AFDN: variants seen among roughly 807,000 people sequenced by gnomAD.
AFDN encodes the protein afadin, adherens junction formation factor.
A neutral mutation model predicts 216.6 loss-of-function variants in AFDN; 68 were observed. The observed-to-expected ratio is 0.31, with a 90% confidence interval of 0.26 to 0.38. The LOEUF (loss-of-function observed/expected upper bound fraction) is 0.38. Among genes scored for constraint, AFDN ranks in the 10% least tolerant of loss-of-function variants. The pLI is 1.00. For synonymous variants in AFDN, 868 were observed against 853.7 expected (o/e 1.02, Z -0.29); for missense variants, 2,136 against 2,342.0 (o/e 0.91, Z 1.82).
chr6:167,830,933 CTTTTTTTTTTTT>C (rs71681602), intron 1 of AFDN, among the ~76,000 whole-genome samples: 4 of 79,320 alleles, frequency 5.0e-5, no homozygotes, highest in East Asian at 9.0e-4. Context: ...ATATTTGAAA[CTTTTTTTTTTTT>C]TTTTTTTTTT....
intron 1 of AFDN, among the ~76,000 whole-genome samples, chr6:167,860,979 T>G (rs533398004): frequency 6.6e-6 from 1 of 152,214 alleles, no homozygotes; most frequent in Non-Finnish European, 1.5e-5. Flanking sequence ...AGCATGGTGA[T>G]GTAGGCAGGT....
intron 9 of AFDN, among the ~76,000 whole-genome samples, chr6:167,896,296 A>G (rs936510206): frequency 1.3e-5 from 2 of 151,962 alleles, no homozygotes; most frequent in Non-Finnish European, 2.9e-5. Flanking sequence ...AACCACTTTT[A>G]ACAGTAATTC....
chr6:167,915,145 G>A, intron 18 of AFDN, 23 bp from the exon 19 acceptor site: 1 of 1,611,598 alleles, frequency 6.2e-7, no homozygotes. Context: ...TGCTCCTCTT[G>A]TCCTCTCACC....
intron 6 of AFDN, among the ~76,000 whole-genome samples, chr6:167,882,989 C>A (rs1245077155): frequency 6.6e-6 from 1 of 151,778 alleles, no homozygotes; most frequent in East Asian, 1.9e-4. Flanking sequence ...AGACTGTCAG[C>A]CAGGTGTTAC....
intron 1 of AFDN, among the ~76,000 whole-genome samples, chr6:167,851,264 A>T (rs1252833423): frequency 6.6e-6 from 1 of 152,074 alleles, no homozygotes; most frequent in Non-Finnish European, 1.5e-5. Flanking sequence ...ACAAACACAC[A>T]CCTTTCTTTT....
At chr6:167,928,909 A>G (rs1792916953) in intron 23 of AFDN, among the ~76,000 whole-genome samples, 1 of 152,352 alleles carries the variant, frequency 6.6e-6, no homozygotes, top group Non-Finnish European at 1.5e-5. Flanking sequence ...TGTATCTTCA[A>G]TGGAAAGTAA....
intron 11 of AFDN, among the ~76,000 whole-genome samples, chr6:167,900,557 T>C (rs1788814615): frequency 6.6e-6 from 1 of 152,208 alleles, no homozygotes; most frequent in Non-Finnish European, 1.5e-5. Context: ...ATATCCAGCC[T>C]GCAGTAAAAA....
At chr6:167,839,167 G>A (rs1780774617) in intron 1 of AFDN, among the ~76,000 whole-genome samples, 1 of 152,104 alleles carries the variant, frequency 6.6e-6, no homozygotes, top group Admixed American at 6.6e-5. Context: ...TAGTGTAATG[G>A]CATCTTAGAC....
At chr6:167,857,283 C>T (rs1783014089) in intron 1 of AFDN, among the ~76,000 whole-genome samples, 1 of 151,918 alleles carries the variant, frequency 6.6e-6, no homozygotes, top group Non-Finnish European at 1.5e-5. Context: ...GTTTGTAGTT[C>T]AGGGAAGTGC....
chr6:167,955,376 T>C (rs911016340), intron 30 of AFDN, among the ~76,000 whole-genome samples: 4 of 152,204 alleles, frequency 2.6e-5, no homozygotes, highest in African/African-American at 9.7e-5. Context: ...CCTTGGTGAT[T>C]GGAAGGCATA....
intron 12 of AFDN, among the ~76,000 whole-genome samples, chr6:167,905,916 T>G (rs2128426478): frequency 6.6e-6 from 1 of 152,264 alleles, no homozygotes; most frequent in East Asian, 1.9e-4. Flanking sequence ...CCATCCTGGC[T>G]AACATGGTGA....
intron 30 of AFDN, among the ~76,000 whole-genome samples, chr6:167,955,101 T>A (rs747698519): frequency 6.6e-6 from 1 of 152,196 alleles, no homozygotes; most frequent in African/African-American, 2.4e-5. Flanking sequence ...TGGCTCATCG[T>A]TTAGGGCCCA....
chr6:167,947,404 C>T (rs1168599562), intron 27 of AFDN, among the ~76,000 whole-genome samples: 1 of 152,102 alleles, frequency 6.6e-6, no homozygotes, highest in Non-Finnish European at 1.5e-5. Context: ...TGGTCTCGAT[C>T]TCCTGACCTC....
In AFDN at chr6:167,919,493, G is replaced by T. The variant is rs569504076; in HGVS notation, c.2908+560G>T. 3.9e-5 allele frequency among the ~76,000 whole-genome samples: 6 copies of T among 152,388 alleles called. No individual in the cohort carries two copies. In the East Asian group the frequency reaches 1.2e-3, roughly 29 times the overall value. On this transcript the variant is annotated intron_variant, in intron 21 of 33. Transcript: ENST00000683244. ...GGAGGACTGAATGGTTTCCTGTGGA[G>T]CATGCAGAACTCTAGCACAGAGCGA...
At chr6:167,873,360 AAG>A (rs2128260131) in intron 4 of AFDN, among the ~76,000 whole-genome samples, 1 of 152,326 alleles carries the variant, frequency 6.6e-6, no homozygotes, top group East Asian at 1.9e-4. Context: ...TTTTTCCACT[AAG>A]ATGTTTATAT....
chr6:167,878,964 G>C (rs569960385), intron 5 of AFDN, among the ~76,000 whole-genome samples: 3 of 152,318 alleles, frequency 2.0e-5, no homozygotes, highest in East Asian at 1.9e-4. Context: ...TCTCGGTCAT[G>C]TTCTTTCTCA....
intron 13 of AFDN, among the ~76,000 whole-genome samples, chr6:167,909,450 CTG>C (rs1247023598): frequency 9.2e-5 from 14 of 151,924 alleles, no homozygotes; most frequent in African/African-American, 3.4e-4. Flanking sequence ...TATTATAAAT[CTG>C]TAATCATCAT....
intron 6 of AFDN, among the ~76,000 whole-genome samples, chr6:167,886,080 A>G (rs1562609216): frequency 6.6e-6 from 1 of 152,236 alleles, no homozygotes; most frequent in Non-Finnish European, 1.5e-5. Flanking sequence ...ACAAAAATAT[A>G]GTAATCTCAC....
chr6:167,907,438 T>C (rs1240977252), intron 13 of AFDN, 149 bp downstream of exon 13: 10 of 634,640 alleles, frequency 1.6e-5, no homozygotes, highest in African/African-American at 5.5e-5. Flanking sequence ...TTCTGTGTTA[T>C]TGAATTGAAA....
Sources: allele counts gnomAD v4.1 joint callset (sites outside exome capture counted in the v4.1 genomes callset), GRCh38; gene constraint gnomAD v4.1.1; transcripts MANE v1.5; gene names NCBI Gene and HGNC (gene_info 2026-07-23, HGNC 2026-07-21).